CCNT2: variants seen among roughly 807,000 people sequenced by gnomAD.
CCNT2 encodes the protein cyclin T2.
CCNT2 carries 18 observed loss-of-function variants against 70.0 expected under a neutral mutation model. The observed-to-expected ratio is 0.26, with a 90% CI of 0.18 to 0.38. The LOEUF is 0.38. CCNT2 is among the 10% of genes least tolerant of loss of function. The pLI is 1.00. For synonymous variants in CCNT2, 334 were observed against 313.3 expected, an observed-to-expected ratio of 1.07 and a Z score of -0.70; for missense variants, 734 against 890.2, an observed-to-expected ratio of 0.82 and a Z score of 2.23.
intron 2 of CCNT2, 98 bp from the exon 3 acceptor site, chr2:134,936,743 A>G (rs1433176385): frequency 9.1e-7 from 1 of 1,100,200 alleles, no homozygotes; most frequent in African/African-American, 1.6e-5. Flanking sequence ...AACAGGAGCG[A>G]AACTCCACCT....
At chr2:134,948,013 C>T in intron 7 of CCNT2, 114 bp downstream of exon 7, 1 of 554,212 alleles carries the variant, frequency 1.8e-6, no homozygotes, top group Non-Finnish European at 3.0e-6. Context: ...AACAACAATT[C>T]ATCAGCCTAA....
intron 4 of CCNT2, 31 bp from the exon 5 acceptor site, chr2:134,942,581 A>T (rs3816339): frequency 0.27 from 426,499 of 1,561,608 alleles, 66,847 homozygotes; most frequent in Middle Eastern, 0.64. Flanking sequence ...TAGTGGTAAG[A>T]GATTGGAAAA....
At chr2:134,924,663 T>A (rs1246707717) in intron 2 of CCNT2, among the ~76,000 whole-genome samples, 1 of 152,206 alleles carries the variant, frequency 6.6e-6, no homozygotes, top group Non-Finnish European at 1.5e-5. Flanking sequence ...TTGGTCTGGC[T>A]GGTCTCAAAC....
intron 3 of CCNT2, among the ~76,000 whole-genome samples, 178 bp downstream of exon 3, chr2:134,937,147 A>G (rs1347693979): frequency 1.3e-5 from 2 of 152,244 alleles, no homozygotes; most frequent in African/African-American, 2.4e-5. Context: ...ATGTATGTTC[A>G]TGAATTTGGA....
In CCNT2 at chr2:134,918,854, C is replaced by T. The variant is rs759962696; in HGVS notation, c.-1C>T. 2 of 1,612,098 alleles carry T rather than the reference C, an allele frequency of 1.2e-6. No homozygotes were observed. The highest frequency in any genetic ancestry group is 8.5e-7 in the Non-Finnish European group (1 of 1,178,950). On this transcript the variant is annotated 5_prime_UTR_variant, in exon 1 of 9. Coordinates refer to ENST00000264157, the MANE Select transcript of CCNT2 (RefSeq NM_058241.3). ...AAGGAGCGGGCGGAGGAGGAAGTGT[C>T]ATGGCGTCGGGCCGTGGAGCTTCTT... is the stretch of plus-strand genomic sequence containing the variant.
At position 134,942,559 on chromosome 2, in the gene CCNT2, A is replaced by C. The variant is rs1215918100; in HGVS notation, c.431-53A>C. 3 of 1,260,238 alleles carry C rather than the reference A, an allele frequency of 2.4e-6. No homozygotes were observed. In the Admixed American group the frequency reaches 6.3e-5, roughly 26 times the overall value. The allele number at this position is 1,260,238 out of a possible 1,614,324, so 78.1% of individuals were successfully genotyped here. A position where few individuals can be genotyped will look rare whatever the true frequency, so the allele number is the denominator to read the frequency against. ...ATATTATACGTTTATGGCATTTCTC[A>C]GGCAAGTACTGTAGTGGTAAGAGAT... On this transcript the variant is annotated intron_variant, in intron 4 of 8. Coordinates refer to ENST00000264157, the MANE Select transcript of CCNT2 (RefSeq NM_058241.3).
In CCNT2 at chr2:134,955,593, T is replaced by G. The variant is rs1350824085; in HGVS notation, c.*945T>G. 6.6e-6 allele frequency: 1 copy of G among 152,670 alleles called. No individual in the cohort carries two copies. The highest frequency in any genetic ancestry group is 1.5e-5 in the Non-Finnish European group (1 of 68,036). The allele number at this position is 152,670 out of a possible 1,614,324, so 9.5% of individuals were successfully genotyped here. A position where few individuals can be genotyped will look rare whatever the true frequency, so the allele number is the denominator to read the frequency against. ...CACAATAACTTACCTAGTAGAGATT[T>G]AGTGAGTTGTTTCCTTTAAAGAATT... On this transcript the variant is annotated 3_prime_UTR_variant, in exon 9 of 9. Transcript: ENST00000264157.
At chr2:134,942,804 A>G in intron 5 of CCNT2, 130 bp downstream of exon 5, 3 of 1,406,668 alleles carry the variant, frequency 2.1e-6, no homozygotes, top group Non-Finnish European at 2.8e-6. Context: ...GTCATTTTTT[A>G]AGCATTACTT....
chr2:134,928,117 T>C (rs1367540293), intron 2 of CCNT2, among the ~76,000 whole-genome samples: 1 of 151,952 alleles, frequency 6.6e-6, no homozygotes, highest in Non-Finnish European at 1.5e-5. Flanking sequence ...ATTATAGGCA[T>C]GTGCCACCAC....
At chr2:134,920,111 G>T in intron 2 of CCNT2, 2 of 405,808 alleles carry the variant, frequency 4.9e-6, no homozygotes, top group Non-Finnish European at 8.8e-6. Flanking sequence ...GGCCTTTTAA[G>T]CTAAAAAAGA....
chr2:134,930,969 A>T (rs1277458072), intron 2 of CCNT2, among the ~76,000 whole-genome samples: 3 of 144,758 alleles, frequency 2.1e-5, no homozygotes, highest in African/African-American at 2.5e-5. Context: ...AAGGATTTGA[A>T]TTTTTTTTTT....
At chr2:134,928,723 T>C (rs1031736290) in intron 2 of CCNT2, among the ~76,000 whole-genome samples, 3 of 151,884 alleles carry the variant, frequency 2.0e-5, no homozygotes, top group African/African-American at 7.3e-5. Context: ...AGGGTTCATT[T>C]AGAAGTTGAA....
chr2:134,954,177 G>A lies in CCNT2; in HGVS notation c.1722G>A (p.Lys574=). Residue 574 remains lysine, a synonymous_variant, in exon 9 of 9, where the codon AAG becomes AAA. Coordinates refer to ENST00000264157, the MANE Select transcript of CCNT2 (RefSeq NM_058241.3). ...GCCGCCACCACACCAGCAGCCACAA[G>A]CATTCCCACTCGCATAGTGGCAGCA... ...PSSRHHTSSH[K]HSHSHSGSSS... 1 of 1,614,170 alleles carries A rather than the reference G, an allele frequency of 6.2e-7. No individual in the cohort carries two copies.
chr2:134,948,819 A>G (rs1398061047), intron 7 of CCNT2, among the ~76,000 whole-genome samples: 4 of 151,786 alleles, frequency 2.6e-5, no homozygotes, highest in Non-Finnish European at 5.9e-5. Context: ...AGTTCAAGCA[A>G]TTCTCCTGCC....
At chr2:134,924,590 C>G (rs1680142789) in intron 2 of CCNT2, among the ~76,000 whole-genome samples, 1 of 152,112 alleles carries the variant, frequency 6.6e-6, no homozygotes, top group Non-Finnish European at 1.5e-5. Flanking sequence ...GCTGGGATTA[C>G]AGGCATGCAC....
At chr2:134,933,364 C>CTTTT (rs1680920963) in intron 2 of CCNT2, among the ~76,000 whole-genome samples, 1 of 152,162 alleles carries the variant, frequency 6.6e-6, no homozygotes, top group Non-Finnish European at 1.5e-5. Flanking sequence ...ATTACCCAGA[C>CTTTT]TTTTTGTTAA....
chr2:134,937,110 G>A lies in CCNT2; in HGVS notation c.369+141G>A, dbSNP rs554840268. The A allele has an allele frequency of 4.0e-4, 215 of 540,444 alleles. No individual in the cohort carries two copies. In the Middle Eastern group the frequency reaches 6.1e-3, roughly 15 times the overall value. The allele number at this position is 540,444 out of a possible 1,614,324, so 33.5% of individuals were successfully genotyped here. On this transcript the variant is annotated intron_variant, in intron 3 of 8. Transcript: ENST00000264157. ...ATTACCTCTTAGGAATGCAATGCCA[G>A]GAAGCAGTCTGGCAGAAAAACATAT...
In CCNT2 at chr2:134,958,126, A is replaced by AT. The variant is rs1423365705; in HGVS notation, c.*3481dup. The AT allele has an allele frequency of 2.0e-5, 3 of 152,224 alleles. No homozygotes were observed. Among genetic ancestry groups the AT allele is most frequent in the Non-Finnish European group, 4.4e-5 (3 of 68,040 alleles). 9.4% of individuals were successfully genotyped at this position (152,224 alleles called of 1,614,324 possible). A position where few individuals can be genotyped will look rare whatever the true frequency, so the allele number is the denominator to read the frequency against. ...GCTTATATCTGCATGAATATTATGC[A>AT]TTTCATGAGTACAGTTAGTTGATTA... On this transcript the variant is annotated 3_prime_UTR_variant, in exon 9 of 9. Coordinates refer to ENST00000264157, the MANE Select transcript of CCNT2 (RefSeq NM_058241.3).
In CCNT2 at chr2:134,953,845, C is replaced by T; in HGVS notation, c.1390C>T (p.Gln464Ter). The T allele has an allele frequency of 6.2e-7, 1 of 1,614,042 alleles. No individual in the cohort carries two copies. The highest frequency in any genetic ancestry group is 8.5e-7 in the Non-Finnish European group (1 of 1,179,980). The change falls in exon 9 of 9, where the codon CAG (glutamine) becomes TAG (stop). Residue 464 changes from glutamine (Q) to a stop codon, truncating the protein, a stop_gained. Coordinates refer to ENST00000264157, the MANE Select transcript of CCNT2 (RefSeq NM_058241.3). LOFTEE classifies it high-confidence loss of function. ...DHYIAAQVEQ[Q>*]HKQGQSQAAS... is the part of the protein sequence containing the mutation. ...TTATATAGCTGCCCAGGTAGAACAG[C>T]AGCACAAACAAGGGCAGTCACAGGC...
Sources: allele counts gnomAD v4.1 joint callset (sites outside exome capture counted in the v4.1 genomes callset), GRCh38; gene constraint gnomAD v4.1.1; transcripts MANE v1.5; gene names NCBI Gene and HGNC (gene_info 2026-07-23, HGNC 2026-07-21).